Variants in DUS4L observed in about 807,000 individuals in gnomAD.
DUS4L encodes the protein tRNA-dihydrouridine(20a/20b) synthase [NAD(P)+]-like.
DUS4L carries 31 observed loss-of-function variants against 33.8 expected under a neutral mutation model. That is an observed-to-expected ratio of 0.92 (90% CI 0.69 to 1.24). The LOEUF (loss-of-function observed/expected upper bound fraction) is 1.24, where lower values mean the gene tolerates loss of function less well. DUS4L is among the 50% of genes most tolerant of loss of function. DUS4L has a pLI of 0.00. For missense variants in DUS4L, 368 were observed against 388.6 expected (o/e 0.95, Z 0.45); for synonymous variants, 103 against 120.3 (o/e 0.86, Z 0.94).
chr7:107,577,155 A>T, intron 7 of DUS4L, 158 bp from the exon 8 acceptor site: 2 of 1,027,804 alleles, frequency 1.9e-6, no homozygotes, highest in Non-Finnish European at 2.7e-6. Flanking sequence ...TACCAAAATT[A>T]ATTCTTTTGT....
Position 107,576,520 on chromosome 7 carries a change from C to G in DUS4L, c.634C>G (p.Pro212Ala), listed in dbSNP as rs1343405986. 1 of 1,607,754 alleles carries G rather than the reference C, an allele frequency of 6.2e-7. No homozygotes were observed. The highest frequency in any genetic ancestry group is 8.5e-7 in the Non-Finnish European group (1 of 1,178,126). The change falls in exon 7 of 8, where the codon CCT becomes GCT. Residue 212 changes from proline (P) to alanine (A), a missense_variant. Transcript: ENST00000265720. ...AATAATTAAGGAAAATATGTCTATA[C>G]CTGTAATTGCTAATGGAGACATCAG... ...IKIIKENMSI[P>A]VIANGDIRSL...
Position 107,567,087 on chromosome 7 carries a change from T to C in DUS4L, c.17T>C (p.Met6Thr). The change falls in exon 3 of 8, where the codon ATG becomes ACG. Residue 6 changes from methionine (M) to threonine (T), a missense_variant. By Grantham distance (81) the Met-to-Thr change is moderately conservative. Transcript: ENST00000265720. Reference protein sequence around the residue: MKSDCMQTTICQERKK... With the variant: MKSDCTQTTICQERKK... ...TCTGTATTAATGAAGAGTGACTGCATGCAAACGACAATATGTCAGGAAAGA... is the reference window on the plus strand; with the variant it reads ...TCTGTATTAATGAAGAGTGACTGCACGCAAACGACAATATGTCAGGAAAGA... 6.2e-7 allele frequency: 1 copy of C among 1,613,446 alleles called. No homozygotes were observed.
intron 5 of DUS4L, 134 bp downstream of exon 5, chr7:107,573,955 A>C: frequency 8.2e-7 from 1 of 1,220,712 alleles, no homozygotes; most frequent in Non-Finnish European, 1.1e-6. Context: ...CAAAACAAGA[A>C]GGAAGAAAAT....
chr7:107,564,221 A>C lies in DUS4L; in HGVS notation c.-111+12A>C. On this transcript the variant is annotated intron_variant, in intron 1 of 7. Transcript: ENST00000265720. The stretch of plus-strand genomic sequence containing the variant: ...TAGCCAAGGAGAAGGTGGGCACCGG[A>C]ACGTGGCCGCAGCGCTTATCTGTGA... 1.7e-6 allele frequency: 1 copy of C among 588,754 alleles called. No individual in the cohort carries two copies. Among genetic ancestry groups the C allele is most frequent in the South Asian group, 2.0e-5 (1 of 49,614 alleles). 36.5% of individuals were successfully genotyped at this position (588,754 alleles called of 1,614,324 possible). A position where few individuals can be genotyped will look rare whatever the true frequency, so the allele number is the denominator to read the frequency against.
intron 3 of DUS4L, chr7:107,567,810 G>C (rs1804853393): frequency 4.5e-6 from 2 of 443,000 alleles, no homozygotes; most frequent in South Asian, 1.7e-5. Flanking sequence ...GTTCCTCACA[G>C]CAGCCCCTGG....
At chr7:107,575,104 G>A (rs1158650758) in intron 5 of DUS4L, 84 bp from the exon 6 acceptor site, 1 of 1,556,406 alleles carries the variant, frequency 6.4e-7, no homozygotes, top group Non-Finnish European at 8.8e-7. Context: ...AGAAATGGAT[G>A]CACTTACATT....
At chr7:107,571,484 C>T (rs1347982167) in intron 4 of DUS4L, among the ~76,000 whole-genome samples, 3 of 152,196 alleles carry the variant, frequency 2.0e-5, no homozygotes, top group Non-Finnish European at 2.9e-5. Flanking sequence ...CCTCTCCTCT[C>T]ACTAGGGCTA....
rs1805891303 is a variant in DUS4L at position 107,577,827 on chromosome 7, C to G, written c.*267C>G. The G allele has an allele frequency of 3.4e-6, 1 of 294,202 alleles. No individual in the cohort carries two copies. Among genetic ancestry groups the G allele is most frequent in the Non-Finnish European group, 6.4e-6 (1 of 156,136 alleles). 18.2% of individuals were successfully genotyped at this position (294,202 alleles called of 1,614,324 possible). The stretch of plus-strand genomic sequence containing the variant: ...TAGGCAAACATTGACAAATACTGCT[C>G]TGAATCCTGTTCTATAGATATTGGG... On this transcript the variant is annotated 3_prime_UTR_variant, in exon 8 of 8. Coordinates refer to ENST00000265720, the MANE Select transcript of DUS4L (RefSeq NM_181581.3).
At chr7:107,565,328 T>C (rs1051077768) in intron 2 of DUS4L, among the ~76,000 whole-genome samples, 2 of 152,222 alleles carry the variant, frequency 1.3e-5, no homozygotes, top group African/African-American at 4.8e-5. Flanking sequence ...TGCTTTGGAA[T>C]CTTTGGATTT....
chr7:107,574,845 A>G (rs1805586696), intron 5 of DUS4L: 10 of 318,682 alleles, frequency 3.1e-5, no homozygotes, highest in South Asian at 2.7e-4. Context: ...GAGACTAATA[A>G]AACCTCTTGT....
In DUS4L at chr7:107,577,826, T is replaced by C. The variant is rs2129199495; in HGVS notation, c.*266T>C. On this transcript the variant is annotated 3_prime_UTR_variant, in exon 8 of 8. Coordinates refer to ENST00000265720, the MANE Select transcript of DUS4L (RefSeq NM_181581.3). Reference sequence around the variant, plus strand: ...CTAGGCAAACATTGACAAATACTGCTCTGAATCCTGTTCTATAGATATTGG... The same window carrying C: ...CTAGGCAAACATTGACAAATACTGCCCTGAATCCTGTTCTATAGATATTGG... 1.0e-5 allele frequency: 3 copies of C among 296,536 alleles called. No individual in the cohort carries two copies. The East Asian group carries it at 1.9e-4, about 18-fold the overall frequency. The allele number at this position is 296,536 out of a possible 1,614,324, so 18.4% of individuals were successfully genotyped here. A position where few individuals can be genotyped will look rare whatever the true frequency, so the allele number is the denominator to read the frequency against.
intron 6 of DUS4L, 42 bp from the exon 7 acceptor site, chr7:107,576,324 T>G (rs1563116790): frequency 1.3e-6 from 2 of 1,559,784 alleles, no homozygotes; most frequent in Non-Finnish European, 1.7e-6. Context: ...AGCATTAAGA[T>G]TTGTGTGCTG....
chr7:107,570,969 GT>G, intron 3 of DUS4L, 175 bp from the exon 4 acceptor site: 1 of 805,840 alleles, frequency 1.2e-6, no homozygotes, highest in Non-Finnish European at 1.8e-6. Context: ...ATTTTCTTGT[GT>G]TTGTTTTATA....
chr7:107,567,663 T>A (rs1009142322), intron 3 of DUS4L: 2 of 320,666 alleles, frequency 6.2e-6, no homozygotes, highest in Non-Finnish European at 1.2e-5. Flanking sequence ...ACATAAAATT[T>A]ACCTCTCGAT....
At chr7:107,575,119 T>C (rs1305527416) in intron 5 of DUS4L, 69 bp from the exon 6 acceptor site, 1 of 1,596,606 alleles carries the variant, frequency 6.3e-7, no homozygotes, top group Non-Finnish European at 8.5e-7. Flanking sequence ...TACATTTCAG[T>C]GCTTTCAGAA....
chr7:107,567,688 C>T, intron 3 of DUS4L: 1 of 359,780 alleles, frequency 2.8e-6, no homozygotes, highest in Admixed American at 3.3e-5. Flanking sequence ...TTTAAGTATA[C>T]AGTTCAGCAG....
Position 107,576,826 on chromosome 7 carries a change from G to T in DUS4L, c.706+234G>T, listed in dbSNP as rs915894227. Reference sequence around the variant, plus strand: ...TACTTTTCTGACACCATCATATCTAGTGACCAGTGAAGAATTTTCCAGATA... The same window carrying T: ...TACTTTTCTGACACCATCATATCTATTGACCAGTGAAGAATTTTCCAGATA... On this transcript the variant is annotated intron_variant, in intron 7 of 7. Coordinates refer to ENST00000265720, the MANE Select transcript of DUS4L (RefSeq NM_181581.3). 6.6e-5 allele frequency: 28 copies of T among 423,180 alleles called. No individual in the cohort carries two copies. The East Asian group carries it at 1.2e-3, about 17-fold the overall frequency. The allele number at this position is 423,180 out of a possible 1,614,324, so 26.2% of individuals were successfully genotyped here. A position where few individuals can be genotyped will look rare whatever the true frequency, so the allele number is the denominator to read the frequency against.
intron 7 of DUS4L, 33 bp downstream of exon 7, chr7:107,576,625 G>A (rs1207168936): frequency 5.1e-6 from 7 of 1,380,744 alleles, no homozygotes; most frequent in Non-Finnish European, 6.6e-6. Context: ...CTTTTAATTG[G>A]GGGGGGAAGA....
Position 107,576,513 on chromosome 7 carries a change from G to A in DUS4L, c.627G>A (p.Met209Ile), listed in dbSNP as rs1805770815. Residue 209 changes from methionine to isoleucine, a missense_variant, in exon 7 of 8, where the codon ATG becomes ATA. Coordinates refer to ENST00000265720, the MANE Select transcript of DUS4L (RefSeq NM_181581.3). ...YDSIKIIKENMSIPVIANGDI... is the reference protein window; with the variant it reads ...YDSIKIIKENISIPVIANGDI... Reference sequence around the variant, plus strand: ...CCATTAAAATAATTAAGGAAAATATGTCTATACCTGTAATTGCTAATGGAG... The same window carrying A: ...CCATTAAAATAATTAAGGAAAATATATCTATACCTGTAATTGCTAATGGAG... 6.2e-7 allele frequency: 1 copy of A among 1,608,244 alleles called. No homozygotes were observed. Among genetic ancestry groups the A allele is most frequent in the Non-Finnish European group, 8.5e-7 (1 of 1,178,244 alleles).
Sources: allele counts gnomAD v4.1 joint callset (sites outside exome capture counted in the v4.1 genomes callset), GRCh38; gene constraint gnomAD v4.1.1; transcripts MANE v1.5; gene names NCBI Gene and HGNC (gene_info 2026-07-23, HGNC 2026-07-21).